The following EPSTI1 variants were observed in gnomAD, a reference collection of about 807,000 sequenced individuals.
EPSTI1 encodes the protein epithelial stromal interaction 1.
Under a neutral mutation model 49.9 loss-of-function variants are expected in EPSTI1, and 66 were observed. The ratio of observed to expected loss-of-function variants is 1.32; its 90% CI spans 1.08 to 1.62. The LOEUF (loss-of-function observed/expected upper bound fraction) is 1.62, where lower values mean the gene tolerates loss of function less well. EPSTI1 is among the 40% of genes most tolerant of loss of function. The probability of loss-of-function intolerance (pLI) is 0.00; values close to 1 mark genes in which losing one functional copy is unlikely to be tolerated. For missense variants in EPSTI1, 394 were observed against 365.5 expected (o/e 1.08, Z -0.64); for synonymous variants, 137 against 130.7 (o/e 1.05, Z -0.33).
intron 7 of EPSTI1, among the ~76,000 whole-genome samples, chr13:42,920,807 GT>G (rs941992258): frequency 5.3e-5 from 8 of 152,064 alleles, no homozygotes; most frequent in African/African-American, 1.4e-4. Context: ...TCTCTTTGAA[GT>G]TTTTTTCTGC....
chr13:42,969,111 A>C lies in EPSTI1; in HGVS notation c.314T>G (p.Leu105Arg). ...KEQNRAKPVH[L>R]VPRRLGGSQS... The stretch of plus-strand genomic sequence containing the variant: ...TTGCTTACCTAGCCGTCTGGGCACC[A>C]GGTGAACCGGTTTAGCTCTGTTCTG... The change falls in exon 3 of 11, where the codon CTG becomes CGG. Residue 105 changes from leucine (L) to arginine (R), a missense_variant. Leu to Arg is a moderately radical substitution (Grantham distance 102, BLOSUM62 -2). Transcript: ENST00000313624. The C allele has an allele frequency of 1.9e-6, 3 of 1,614,162 alleles. No individual in the cohort carries two copies. The highest frequency in any genetic ancestry group is 2.5e-6 in the Non-Finnish European group (3 of 1,180,022).
Position 42,902,217 on chromosome 13 carries a change from G to A in EPSTI1, c.742-1834C>T, listed in dbSNP as rs376713346. ...CTTCCTCTCATAGTACAGCCCCATCGTCATTCTCTTACAACTTTTTTTTTT... is the reference window on the plus strand; with the variant it reads ...CTTCCTCTCATAGTACAGCCCCATCATCATTCTCTTACAACTTTTTTTTTT... On this transcript the variant is annotated intron_variant, in intron 8 of 10. Transcript: ENST00000313624. 6.0e-5 allele frequency among the ~76,000 whole-genome samples: 9 copies of A among 149,062 alleles called. No homozygotes were observed. The East Asian group carries it at 1.2e-3, about 19-fold the overall frequency.
chr13:42,963,145 G>C, intron 5 of EPSTI1, 110 bp downstream of exon 5: 1 of 866,644 alleles, frequency 1.2e-6, no homozygotes, highest in African/African-American at 1.7e-5. Context: ...AATAGAAAGA[G>C]AGAGAGAGAG....
At chr13:42,921,645 G>A (rs972650283) in intron 7 of EPSTI1, among the ~76,000 whole-genome samples, 1 of 152,262 alleles carries the variant, frequency 6.6e-6, no homozygotes, top group Non-Finnish European at 1.5e-5. Context: ...ATGGCCCGGG[G>A]AGCTTTTTTA....
chr13:42,900,197 A>T, intron 9 of EPSTI1, 113 bp downstream of exon 9: 1 of 926,734 alleles, frequency 1.1e-6, no homozygotes, highest in Non-Finnish European at 1.7e-6. Context: ...TAAAGGTAAC[A>T]CGCATTCCAA....
chr13:42,970,584 T>C (rs1250265895), intron 2 of EPSTI1, 28 bp downstream of exon 2: 2 of 1,562,264 alleles, frequency 1.3e-6, no homozygotes, highest in Non-Finnish European at 1.7e-6. Flanking sequence ...AGAAGCATTC[T>C]GAATGTTAAA....
intron 10 of EPSTI1, among the ~76,000 whole-genome samples, chr13:42,893,120 A>T (rs2037085721): frequency 6.6e-6 from 1 of 152,242 alleles, no homozygotes; most frequent in South Asian, 2.1e-4. Flanking sequence ...AGAAAAAAAT[A>T]AAGAAATTAG....
rs369402471 is a variant in EPSTI1, at chr13:42,970,632, C to T, written c.227G>A (p.Arg76Gln). Residue 76 changes from arginine to glutamine, a missense_variant, in exon 2 of 11, where the codon CGG becomes CAG. Arg to Gln is a conservative substitution (Grantham distance 43). Transcript: ENST00000313624. The part of the protein sequence containing the change: ...AYTLIAPNIN[R>Q]RNEIQRIAEQ... ...CATACTTCTTTGTATCTCATTTCTC[C>T]GGTTTATATTTGGTGCTATCAAGGT... The T allele has an allele frequency of 2.5e-5, 40 of 1,609,440 alleles. No homozygotes were observed. In the East Asian group the frequency reaches 4.7e-4, roughly 19 times the overall value.
chr13:42,890,581 A>C (rs1356527535), intron 10 of EPSTI1, among the ~76,000 whole-genome samples: 1 of 152,094 alleles, frequency 6.6e-6, no homozygotes, highest in Admixed American at 6.5e-5. Flanking sequence ...TACAGGCGTG[A>C]GCTACCGCTC....
At chr13:42,986,126 GCACT>G (rs1433871654) in intron 1 of EPSTI1, among the ~76,000 whole-genome samples, 1 of 152,218 alleles carries the variant, frequency 6.6e-6, no homozygotes, top group Non-Finnish European at 1.5e-5. Flanking sequence ...GCACAAGCCA[GCACT>G]CACAGGCAAG....
intron 6 of EPSTI1, among the ~76,000 whole-genome samples, chr13:42,946,479 C>A (rs987265539): frequency 6.6e-6 from 1 of 152,138 alleles, no homozygotes; most frequent in African/African-American, 2.4e-5. Flanking sequence ...GGAGAGGTCA[C>A]AAAAGCCCAC....
chr13:42,920,565 A>G (rs2037963887), intron 7 of EPSTI1, among the ~76,000 whole-genome samples: 1 of 152,192 alleles, frequency 6.6e-6, no homozygotes, highest in South Asian at 2.1e-4. Flanking sequence ...GCAGGTAAAA[A>G]GGAAGGAATT....
intron 1 of EPSTI1, among the ~76,000 whole-genome samples, chr13:42,982,082 G>A (rs1288837054): frequency 6.6e-6 from 1 of 152,178 alleles, no homozygotes; most frequent in Non-Finnish European, 1.5e-5. Flanking sequence ...AAACCTGCTG[G>A]GCTGCATTCC....
intron 8 of EPSTI1, among the ~76,000 whole-genome samples, chr13:42,915,779 AAT>A (rs1302926273): frequency 2.0e-5 from 3 of 152,200 alleles, no homozygotes; most frequent in South Asian, 4.1e-4. Context: ...GTAACCAGAA[AAT>A]ATGTGTATAT....
chr13:42,964,044 A>G (rs1037654689), intron 4 of EPSTI1, 22 bp downstream of exon 4: 5 of 1,603,798 alleles, frequency 3.1e-6, no homozygotes, highest in Middle Eastern at 1.7e-4. Context: ...CCAAAATTCA[A>G]CTAAAAGAGA....
At chr13:42,938,084 T>G (rs2038624334) in intron 6 of EPSTI1, among the ~76,000 whole-genome samples, 1 of 152,156 alleles carries the variant, frequency 6.6e-6, no homozygotes, top group Non-Finnish European at 1.5e-5. Flanking sequence ...CTTGAACTTT[T>G]GATATTTTTC....
chr13:42,964,513 G>A (rs1314010607), intron 3 of EPSTI1, among the ~76,000 whole-genome samples: 2 of 152,202 alleles, frequency 1.3e-5, no homozygotes, highest in South Asian at 2.1e-4. Flanking sequence ...GACCATGCCC[G>A]AACCTAGTAA....
chr13:42,937,734 G>A (rs2038612768), intron 6 of EPSTI1, among the ~76,000 whole-genome samples: 1 of 152,104 alleles, frequency 6.6e-6, no homozygotes, highest in South Asian at 2.1e-4. Context: ...TTCCTCCACT[G>A]AAGTCTTGAG....
At chr13:42,989,184 G>GT (rs200488285) in intron 1 of EPSTI1, among the ~76,000 whole-genome samples, 1,506 of 150,600 alleles carry the variant, frequency 0.01, 21 homozygotes, top group African/African-American at 0.034. Context: ...TTAAACCAGT[G>GT]TTTTTTTTTA....
Sources: gnomAD v4.1 joint callset for allele counts (sites outside exome capture counted in the v4.1 genomes callset) on GRCh38, gnomAD v4.1.1 for gene constraint, MANE v1.5 for transcripts, NCBI Gene and HGNC (gene_info 2026-07-23, HGNC 2026-07-21) for gene names.